MYH10: variants seen among roughly 807,000 people sequenced by gnomAD.
MYH10 encodes myosin-10.
MYH10 carries 55 observed loss-of-function variants against 257.8 expected under a neutral mutation model. The observed-to-expected ratio is 0.21, with a 90% CI of 0.17 to 0.27. MYH10 has a LOEUF of 0.27. Among genes scored for constraint, MYH10 ranks in the 10% least tolerant of loss-of-function variants. The pLI is 1.00. For missense variants in MYH10, 1,631 were observed against 2,500.6 expected, an observed-to-expected ratio of 0.65 and a Z score of 7.42; for synonymous variants, 854 against 921.7, an observed-to-expected ratio of 0.93 and a Z score of 1.33.
chr17:8,510,835 A>G (rs2081244093), intron 24 of MYH10, among the ~76,000 whole-genome samples: 1 of 152,052 alleles, frequency 6.6e-6, no homozygotes, highest in South Asian at 2.1e-4. Context: ...GAAGCACCTC[A>G]TCAAACTGGG....
intron 3 of MYH10, among the ~76,000 whole-genome samples, chr17:8,594,501 C>T (rs1255760020): frequency 6.6e-6 from 1 of 152,182 alleles, no homozygotes; most frequent in African/African-American, 2.4e-5. Flanking sequence ...ATGGCACAGC[C>T]ACTTTAGAAA....
intron 17 of MYH10, among the ~76,000 whole-genome samples, chr17:8,524,569 G>C (rs1482289242): frequency 6.6e-6 from 1 of 150,798 alleles, no homozygotes; most frequent in East Asian, 2.0e-4. Context: ...TTCCTCCTGG[G>C]TTTCCTATCC....
In MYH10 at chr17:8,504,916, C is replaced by T; in HGVS notation, c.3387-10G>A. The T allele has an allele frequency of 1.2e-6, 2 of 1,612,678 alleles. No individual in the cohort carries two copies. Among genetic ancestry groups the T allele is most frequent in the South Asian group, 1.1e-5 (1 of 91,030 alleles). On this transcript the variant is annotated splice_polypyrimidine_tract_variant and intron_variant, in intron 27 of 42. Coordinates refer to ENST00000360416, the MANE Select transcript of MYH10 (RefSeq NM_001256012.3). This position sits in a 1 kb window ranked among gnomAD's most constrained non-coding sequence, Gnocchi z 5.6. ...TGTTTCATCATCACCTCTGTTAAAA[C>T]ACCCAGGCGCAAGAGGCACTCAGAG...
intron 7 of MYH10, among the ~76,000 whole-genome samples, chr17:8,558,509 CAAAACA>C (rs1233938585): frequency 6.6e-6 from 1 of 152,044 alleles, no homozygotes; most frequent in Non-Finnish European, 1.5e-5. Context: ...CAAAAAAAAG[CAAAACA>C]AAAACAAAAA....
chr17:8,498,585 G>C (rs174900), intron 30 of MYH10, among the ~76,000 whole-genome samples: 7 of 151,948 alleles, frequency 4.6e-5, no homozygotes, highest in South Asian at 4.1e-4. Flanking sequence ...CAGTAGCTCA[G>C]GCCTGTAATC....
chr17:8,551,990 A>G (rs2082657656), intron 9 of MYH10, 56 bp downstream of exon 9: 1 of 1,044,616 alleles, frequency 9.6e-7, no homozygotes, highest in Non-Finnish European at 1.3e-6. Context: ...TTCTCAAAAA[A>G]AAATTAAAAG....
At chr17:8,489,692 A>G (rs8082067) in intron 35 of MYH10, among the ~76,000 whole-genome samples, 57,908 of 140,402 alleles carry the variant, frequency 0.41, 11,755 homozygotes, top group South Asian at 0.45. Flanking sequence ...TGACAGAGCG[A>G]GACTCCGTCT....
chr17:8,476,921 TTGGCCTCGG>T lies in MYH10; in HGVS notation c.5825_5833del (p.Thr1942_Ala1944del). ...GCTGACCTCGCGGCTCAGGCCCTCG[TTGGCCTCGG>T]TGGCATCATCCAGTTCCCGCTGGAG... On this transcript the variant is annotated inframe_deletion, in exon 42 of 43. Transcript: ENST00000360416. 1 of 1,613,146 alleles carries T rather than the reference TTGGCCTCGG, an allele frequency of 6.2e-7. No individual in the cohort carries two copies. Among genetic ancestry groups the T allele is most frequent in the Non-Finnish European group, 8.5e-7 (1 of 1,180,014 alleles).
chr17:8,534,321 T>C (rs1377533804), intron 16 of MYH10, among the ~76,000 whole-genome samples: 1 of 152,158 alleles, frequency 6.6e-6, no homozygotes, highest in Non-Finnish European at 1.5e-5. Context: ...CCTCCCCTCT[T>C]TGCTATGTCT....
At chr17:8,532,910 A>G (rs576293259) in intron 16 of MYH10, among the ~76,000 whole-genome samples, 2 of 152,218 alleles carry the variant, frequency 1.3e-5, no homozygotes, top group Non-Finnish European at 2.9e-5. Context: ...GTTAAGGGAT[A>G]TAAGACAAGG....
chr17:8,625,963 T>C lies in MYH10; in HGVS notation c.-31-2686A>G, dbSNP rs973023781. 3.3e-5 allele frequency among the ~76,000 whole-genome samples: 5 copies of C among 152,182 alleles called. No homozygotes were observed. In the East Asian group the frequency reaches 9.6e-4, roughly 29 times the overall value. On this transcript the variant is annotated intron_variant, in intron 1 of 42. Coordinates refer to ENST00000360416, the MANE Select transcript of MYH10 (RefSeq NM_001256012.3). ...CAAATTCTAGACTAATTCATAACAA[T>C]TTAAATAACATGTTGATGTCTTAAA...
chr17:8,526,191 G>A (rs2081840744), intron 17 of MYH10, among the ~76,000 whole-genome samples: 1 of 152,134 alleles, frequency 6.6e-6, no homozygotes, highest in Non-Finnish European at 1.5e-5. Context: ...AATGATTTGA[G>A]CCACACTAAT....
At chr17:8,558,957 C>G (rs1465902082) in intron 7 of MYH10, among the ~76,000 whole-genome samples, 1 of 152,120 alleles carries the variant, frequency 6.6e-6, no homozygotes, top group South Asian at 2.1e-4. Flanking sequence ...AAACATCATA[C>G]AAGATTAAAG....
intron 3 of MYH10, among the ~76,000 whole-genome samples, chr17:8,597,620 A>AAT (rs2084427844): frequency 6.9e-6 from 1 of 145,794 alleles, no homozygotes. Context: ...TAGTTTACTC[A>AAT]TTTTTTTTTT....
At chr17:8,623,976 T>A (rs2085574414) in intron 1 of MYH10, among the ~76,000 whole-genome samples, 1 of 152,070 alleles carries the variant, frequency 6.6e-6, no homozygotes, top group African/African-American at 2.4e-5. Flanking sequence ...TCACCAAGAC[T>A]CCTTCCCCTG....
intron 37 of MYH10, among the ~76,000 whole-genome samples, chr17:8,483,134 C>A (rs1914139360): frequency 6.6e-6 from 1 of 151,976 alleles, no homozygotes; most frequent in African/African-American, 2.4e-5. Context: ...GAAGAAGAAA[C>A]CATAATAGAA....
chr17:8,494,654 A>G (rs1311591702), intron 31 of MYH10, among the ~76,000 whole-genome samples: 1 of 152,222 alleles, frequency 6.6e-6, no homozygotes, highest in African/African-American at 2.4e-5. Flanking sequence ...AAAGTGCTAC[A>G]TTATTTTCAA....
intron 21 of MYH10, among the ~76,000 whole-genome samples, chr17:8,515,595 T>G (rs1053466237): frequency 7.8e-6 from 1 of 127,916 alleles, no homozygotes; most frequent in African/African-American, 2.9e-5. Context: ...CAGGCTGGAG[T>G]GCAGTGGTGC....
chr17:8,573,846 A>G, intron 6 of MYH10: 1 of 975,796 alleles, frequency 1.0e-6, no homozygotes, highest in Non-Finnish European at 1.2e-6. Flanking sequence ...AAAGGTAAAC[A>G]TAAAAGACTG....
Sources: allele counts gnomAD v4.1 joint callset (sites outside exome capture counted in the v4.1 genomes callset), GRCh38; gene constraint gnomAD v4.1.1; non-coding constraint Gnocchi (gnomAD v3.1); transcripts MANE v1.5; gene names NCBI Gene and HGNC (gene_info 2026-07-23, HGNC 2026-07-21).